Variants in JAK2 observed in about 807,000 individuals in gnomAD.
JAK2 encodes the protein Janus kinase 2.
Under a neutral mutation model 139.3 loss-of-function variants are expected in JAK2, and 86 were observed. The ratio of observed to expected loss-of-function variants is 0.62; its 90% CI spans 0.52 to 0.74. The LOEUF is 0.74. JAK2 is among the 30% of genes least tolerant of loss of function. The pLI is 0.00. For synonymous variants in JAK2, 490 were observed against 437.7 expected (o/e 1.12, Z -1.49); for missense variants, 1,421 against 1,360.3 (o/e 1.04, Z -0.70).
intron 4 of JAK2, chr9:5,041,732 C>T: frequency 2.0e-6 from 1 of 494,490 alleles, no homozygotes; most frequent in South Asian, 1.5e-5. Flanking sequence ...TCGGGAAGCC[C>T]TTGGCGACCC....
intron 4 of JAK2, among the ~76,000 whole-genome samples, chr9:5,035,218 C>A (rs112524408): frequency 1.0e-3 from 155 of 152,216 alleles, no homozygotes; most frequent in African/African-American, 3.3e-3. Context: ...CAATAACAGG[C>A]TCTGAAATTG....
Position 5,080,633 on chromosome 9 carries a change from G to A in JAK2, c.2384G>A (p.Arg795Lys). ...NNCMDYEPDFRPSFRAIIRDL... is the reference protein window; with the variant it reads ...NNCMDYEPDFKPSFRAIIRDL... The stretch of plus-strand genomic sequence containing the variant: ...TGTATGGATTATGAACCAGATTTCA[G>A]GCCTTCTTTCAGAGCCATCATACGA... The change falls in exon 18 of 25, where the codon AGG becomes AAG. Residue 795 changes from arginine (R) to lysine (K), a missense_variant. Transcript: ENST00000381652. 6.2e-7 allele frequency: 1 copy of A among 1,601,064 alleles called. No individual in the cohort carries two copies. Among genetic ancestry groups the A allele is most frequent in the Non-Finnish European group, 8.5e-7 (1 of 1,175,830 alleles).
chr9:5,044,381 A>G (rs1369890960), intron 4 of JAK2, 22 bp from the exon 5 acceptor site: 2 of 1,484,488 alleles, frequency 1.3e-6, no homozygotes, highest in Non-Finnish European at 1.9e-6. Context: ...GAAGCTGACC[A>G]AATGTTTTTA....
intron 2 of JAK2, among the ~76,000 whole-genome samples, chr9:4,994,824 T>A (rs1194862834): frequency 1.3e-5 from 2 of 152,228 alleles, no homozygotes; most frequent in African/African-American, 4.8e-5. Flanking sequence ...CAAAACTCTC[T>A]GAGAGTTGTC....
intron 22 of JAK2, among the ~76,000 whole-genome samples, chr9:5,104,363 G>T (rs1441761498): frequency 6.6e-6 from 1 of 152,132 alleles, no homozygotes; most frequent in Non-Finnish European, 1.5e-5. Context: ...GACTAAACCA[G>T]GAAGAAGTTG....
At chr9:5,036,188 C>G (rs1823586669) in intron 4 of JAK2, among the ~76,000 whole-genome samples, 1 of 152,120 alleles carries the variant, frequency 6.6e-6, no homozygotes, top group African/African-American at 2.4e-5. Flanking sequence ...AGGACCTCTT[C>G]AAGGAGAACT....
chr9:5,046,123 A>T (rs771228424), intron 5 of JAK2, among the ~76,000 whole-genome samples: 6 of 152,174 alleles, frequency 3.9e-5, no homozygotes, highest in Non-Finnish European at 7.4e-5. Flanking sequence ...CTTCTCTAAC[A>T]ACCAGTGATC....
At chr9:5,105,314 A>G (rs1394996478) in intron 22 of JAK2, among the ~76,000 whole-genome samples, 1 of 152,208 alleles carries the variant, frequency 6.6e-6, no homozygotes, top group African/African-American at 2.4e-5. Flanking sequence ...CAATTGCTAC[A>G]AAGAGAATAA....
At chr9:5,066,633 A>G (rs369475529) in intron 9 of JAK2, 45 bp from the exon 10 acceptor site, 2 of 1,032,970 alleles carry the variant, frequency 1.9e-6, no homozygotes, top group Non-Finnish European at 3.1e-6. Context: ...TCATAATATT[A>G]TGGTGCTTGA....
intron 22 of JAK2, chr9:5,111,179 C>T: frequency 1.4e-6 from 1 of 708,732 alleles, no homozygotes; most frequent in South Asian, 1.5e-5. Context: ...AGCCACTCTC[C>T]ATTCACATTC....
chr9:5,121,927 C>G (rs984506798), intron 22 of JAK2, among the ~76,000 whole-genome samples: 4 of 152,136 alleles, frequency 2.6e-5, no homozygotes, highest in African/African-American at 9.7e-5. Flanking sequence ...TCTTCAAGAA[C>G]TTTGCATTCC....
intron 22 of JAK2, among the ~76,000 whole-genome samples, chr9:5,120,790 C>T (rs1037174367): frequency 1.2e-4 from 18 of 152,122 alleles, no homozygotes; most frequent in Admixed American, 1.0e-3. Context: ...TCATTAGACA[C>T]TGGAGTGAAA....
At chr9:5,084,652 T>C (rs1036717504) in intron 19 of JAK2, among the ~76,000 whole-genome samples, 6 of 152,308 alleles carry the variant, frequency 3.9e-5, no homozygotes, top group Admixed American at 3.9e-4. Context: ...TCTTCCTTTA[T>C]CCTCATGCCC....
intron 2 of JAK2, among the ~76,000 whole-genome samples, chr9:4,992,451 G>T (rs12348255): frequency 0.056 from 8,453 of 152,186 alleles, 636 homozygotes; most frequent in African/African-American, 0.18. Context: ...AGAAAAACAT[G>T]TGAGATGGGA....
chr9:5,086,650 C>T (rs1820136217), intron 19 of JAK2, among the ~76,000 whole-genome samples: 1 of 152,086 alleles, frequency 6.6e-6, no homozygotes, highest in Non-Finnish European at 1.5e-5. Context: ...TAAATGAGTT[C>T]CTTTGAACTC....
At chr9:5,027,953 T>G (rs1228465586) in intron 3 of JAK2, among the ~76,000 whole-genome samples, 18 of 152,228 alleles carry the variant, frequency 1.2e-4, no homozygotes, top group Non-Finnish European at 2.9e-5. Flanking sequence ...AAGATACCCA[T>G]GAGAGCCAGA....
chr9:5,084,654 C>T (rs896774105), intron 19 of JAK2, among the ~76,000 whole-genome samples: 1 of 151,826 alleles, frequency 6.6e-6, no homozygotes, highest in African/African-American at 2.4e-5. Context: ...TTCCTTTATC[C>T]TCATGCCCAC....
chr9:5,044,327 T>C (rs997267135), intron 4 of JAK2, 76 bp from the exon 5 acceptor site: 1 of 848,160 alleles, frequency 1.2e-6, no homozygotes, highest in African/African-American at 1.7e-5. Context: ...CAGTATGCTG[T>C]AGGTGACTAT....
chr9:5,087,936 CAAT>C (rs1462659932), intron 19 of JAK2, among the ~76,000 whole-genome samples: 1 of 152,052 alleles, frequency 6.6e-6, no homozygotes, highest in East Asian at 1.9e-4. Flanking sequence ...TGACAATATA[CAAT>C]AATTAAAAAT....
Sources: allele counts gnomAD v4.1 joint callset (sites outside exome capture counted in the v4.1 genomes callset), GRCh38; gene constraint gnomAD v4.1.1; transcripts MANE v1.5; gene names NCBI Gene and HGNC (gene_info 2026-07-23, HGNC 2026-07-21).